The following ABCA13 variants were observed in gnomAD, a reference collection of about 807,000 sequenced individuals.
ABCA13 encodes the protein ATP-binding cassette sub-family A member 13.
ABCA13 carries 476 observed loss-of-function variants against 478.7 expected under a neutral mutation model. That is an observed-to-expected ratio of 0.99 (90% CI 0.92 to 1.07). The LOEUF (loss-of-function observed/expected upper bound fraction) is 1.07. Among genes scored for constraint, ABCA13 ranks in the 50% least tolerant of loss-of-function variants. ABCA13 has a pLI of 0.00. For synonymous variants in ABCA13, 2,252 were observed against 2,158.9 expected, an observed-to-expected ratio of 1.04 and a Z score of -1.20; for missense variants, 6,060 against 5,910.6, an observed-to-expected ratio of 1.03 and a Z score of -0.83.
rs1044889086 is a variant in ABCA13, at chr7:48,506,395, G to A, written c.13346+5G>A. On this transcript the variant is annotated splice_donor_5th_base_variant and intron_variant, in intron 49 of 61. Coordinates refer to ENST00000435803, the MANE Select transcript of ABCA13 (RefSeq NM_152701.5). ...CTTGCTGAACGAGGACAAGATGTGA[G>A]TTGATGGAATGCTGAGGGGTGTGTG... The A allele has an allele frequency of 6.2e-7, 1 of 1,613,710 alleles. No individual in the cohort carries two copies. Among genetic ancestry groups the A allele is most frequent in the Non-Finnish European group, 8.5e-7 (1 of 1,179,620 alleles).
intron 27 of ABCA13, among the ~76,000 whole-genome samples, chr7:48,317,805 G>A (rs959635235): frequency 6.6e-6 from 1 of 152,204 alleles, no homozygotes; most frequent in Non-Finnish European, 1.5e-5. Context: ...CCAAAGCAGG[G>A]TGTATCCAGG....
At chr7:48,501,412 A>G (rs1830729763) in intron 48 of ABCA13, among the ~76,000 whole-genome samples, 1 of 152,216 alleles carries the variant, frequency 6.6e-6, no homozygotes. Context: ...AGGATTCCCT[A>G]GAGCGCCCCA....
At chr7:48,549,653 A>G (rs754286257) in intron 55 of ABCA13, among the ~76,000 whole-genome samples, 4 of 151,902 alleles carry the variant, frequency 2.6e-5, no homozygotes, top group Non-Finnish European at 5.9e-5. Flanking sequence ...GTCTTCCACA[A>G]TGGTTGAACA....
chr7:48,285,824 T>A (rs753538932), intron 19 of ABCA13, among the ~76,000 whole-genome samples: 11 of 152,206 alleles, frequency 7.2e-5, no homozygotes, highest in Non-Finnish European at 1.5e-4. Flanking sequence ...ATTATTACCT[T>A]CATTTCAAAT....
At chr7:48,192,553 G>A (rs1298089804) in intron 1 of ABCA13, among the ~76,000 whole-genome samples, 2 of 152,108 alleles carry the variant, frequency 1.3e-5, no homozygotes, top group Non-Finnish European at 1.5e-5. Flanking sequence ...TAAATGAGAA[G>A]TGGATGCTAC....
At chr7:48,245,770 C>T in intron 12 of ABCA13, 93 bp from the exon 13 acceptor site, 1 of 1,446,110 alleles carries the variant, frequency 6.9e-7, no homozygotes, top group Non-Finnish European at 9.3e-7. Context: ...AAATGTTTAT[C>T]ATTGCTTATT....
rs781159284 is a variant in ABCA13, at chr7:48,313,192, T to G, written c.9642T>G (p.Phe3214Leu). ...ATCTTCCTGAGTTTCTTCACACATT[T>G]AAAATCACTGCCTTGCTAGAAACCC... The part of the protein sequence containing the change: ...FEYLPEFLHT[F>L]KITALLETLD... Residue 3214 changes from phenylalanine (F) to leucine (L), a missense_variant, in exon 25 of 62, where the codon TTT becomes TTG. Coordinates refer to ENST00000435803, the MANE Select transcript of ABCA13 (RefSeq NM_152701.5). The G allele has an allele frequency of 6.2e-7, 1 of 1,612,696 alleles. No individual in the cohort carries two copies. Among genetic ancestry groups the G allele is most frequent in the Non-Finnish European group, 8.5e-7 (1 of 1,179,260 alleles).
At chr7:48,570,351 G>A (rs1389524535) in intron 55 of ABCA13, among the ~76,000 whole-genome samples, 6 of 120,004 alleles carry the variant, frequency 5.0e-5, no homozygotes, top group African/African-American at 1.6e-4. Context: ...TTGAGATGGA[G>A]TCTCACTCTG....
intron 43 of ABCA13, among the ~76,000 whole-genome samples, chr7:48,466,676 T>G (rs191144339): frequency 2.3e-4 from 35 of 152,306 alleles, no homozygotes; most frequent in African/African-American, 8.2e-4. Flanking sequence ...TGGTGTTATA[T>G]TAAGTGAAAA....
At chr7:48,482,177 A>G (rs1828838742) in intron 46 of ABCA13, among the ~76,000 whole-genome samples, 1 of 152,184 alleles carries the variant, frequency 6.6e-6, no homozygotes, top group Non-Finnish European at 1.5e-5. Context: ...TAAACCAGCA[A>G]ATAGACAATA....
In ABCA13 at chr7:48,274,896, A is replaced by G. The variant is rs1478666403; in HGVS notation, c.5230A>G (p.Ile1744Val). Residue 1744 changes from isoleucine (I) to valine (V), a missense_variant, in exon 17 of 62, where the codon ATA becomes GTA. By Grantham distance (29) the Ile-to-Val change is conservative. Coordinates refer to ENST00000435803, the MANE Select transcript of ABCA13 (RefSeq NM_152701.5). ...TCCTAAAGATGTTGTGGATGCTGTG[A>G]TAGATGTGTACTATGTGCTTCCTCA... The part of the protein sequence containing the change: ...LFPKDVVDAV[I>V]DVYYVLPHAV... The G allele has an allele frequency of 6.2e-7, 1 of 1,613,946 alleles. No individual in the cohort carries two copies. Among genetic ancestry groups the G allele is most frequent in the East Asian group, 2.2e-5 (1 of 44,876 alleles).
intron 29 of ABCA13, among the ~76,000 whole-genome samples, chr7:48,341,902 G>GAT (rs1454159334): frequency 1.4e-5 from 1 of 70,172 alleles, no homozygotes; most frequent in Non-Finnish European, 3.0e-5. Flanking sequence ...ATATCTTTCT[G>GAT]ATATATATAT....
chr7:48,484,240 T>G (rs963369623), intron 47 of ABCA13, among the ~76,000 whole-genome samples: 3 of 152,220 alleles, frequency 2.0e-5, no homozygotes, highest in African/African-American at 7.2e-5. Flanking sequence ...TTAACAGTCA[T>G]GTATTACGAT....
chr7:48,374,407 C>A lies in ABCA13; in HGVS notation c.11194C>A (p.Gln3732Lys), dbSNP rs1813137804. Residue 3732 changes from glutamine (Q) to lysine (K), a missense_variant, in exon 34 of 62, where the codon CAA becomes AAA. Gln to Lys is a moderately conservative substitution (Grantham distance 53). Coordinates refer to ENST00000435803, the MANE Select transcript of ABCA13 (RefSeq NM_152701.5). ...ATTTTTTATTACATTCCTGGAAGGA[C>A]AAGAGACAGGTAAGAGCATGCATGT... ...GVFFITFLEG[Q>K]ETGIQWNNMY... is the part of the protein sequence containing the mutation. The A allele has an allele frequency of 1.2e-6, 2 of 1,608,678 alleles. No homozygotes were observed. The highest frequency in any genetic ancestry group is 1.7e-6 in the Non-Finnish European group (2 of 1,177,720).
chr7:48,225,998 A>G (rs1381726689), intron 5 of ABCA13, among the ~76,000 whole-genome samples: 1 of 152,168 alleles, frequency 6.6e-6, no homozygotes, highest in African/African-American at 2.4e-5. Context: ...GCACGAGGGC[A>G]ATGGGGACAA....
intron 23 of ABCA13, among the ~76,000 whole-genome samples, chr7:48,301,521 C>CT (rs941085351): frequency 4.8e-4 from 70 of 145,476 alleles, no homozygotes; most frequent in South Asian, 6.6e-4. Flanking sequence ...TTTGCTCATT[C>CT]TTTTTTTTTT....
chr7:48,484,619 G>A (rs1405957106), intron 47 of ABCA13, among the ~76,000 whole-genome samples: 1 of 152,180 alleles, frequency 6.6e-6, no homozygotes, highest in African/African-American at 2.4e-5. Flanking sequence ...AGTGATGAGT[G>A]GCTGGGGATT....
chr7:48,393,093 C>T (rs1816308989), intron 38 of ABCA13, among the ~76,000 whole-genome samples: 1 of 152,022 alleles, frequency 6.6e-6, no homozygotes, highest in African/African-American at 2.4e-5. Flanking sequence ...GAAGTTTAGA[C>T]CAGAGGTAAA....
At chr7:48,603,795 G>C (rs977444752) in intron 58 of ABCA13, 9 of 153,194 alleles carry the variant, frequency 5.9e-5, no homozygotes, top group African/African-American at 2.2e-4. Flanking sequence ...AATAGTTTCA[G>C]AAGGAATGGT....
Sources: gnomAD v4.1 joint callset for allele counts (sites outside exome capture counted in the v4.1 genomes callset) on GRCh38, gnomAD v4.1.1 for gene constraint, MANE v1.5 for transcripts, NCBI Gene and HGNC (gene_info 2026-07-23, HGNC 2026-07-21) for gene names.